PYGM: variants seen among roughly 807,000 people sequenced by gnomAD.
The protein encoded by PYGM is glycogen phosphorylase, muscle form.
Under a neutral mutation model 99.3 loss-of-function variants are expected in PYGM, and 81 were observed. The ratio of observed to expected loss-of-function variants is 0.82; its 90% CI spans 0.68 to 0.98. PYGM has a LOEUF of 0.98. Ranked by LOEUF, PYGM falls within the 50% of genes least tolerant of loss-of-function variation. The pLI, the probability that PYGM is intolerant of heterozygous loss-of-function variation, is 0.00. For synonymous variants in PYGM, 436 were observed against 451.5 expected, an observed-to-expected ratio of 0.97 and a Z score of 0.44; for missense variants, 1,030 against 1,158.1, an observed-to-expected ratio of 0.89 and a Z score of 1.61.
At position 64,755,445 on chromosome 11, in the gene PYGM, A is replaced by T; in HGVS notation, c.772+2T>A. 6.2e-7 allele frequency: 1 copy of T among 1,613,896 alleles called. No individual in the cohort carries two copies. The highest frequency in any genetic ancestry group is 8.5e-7 in the Non-Finnish European group (1 of 1,179,764). On this transcript the variant is annotated splice_donor_variant, in intron 6 of 19. Transcript: ENST00000164139. LOFTEE classifies it high-confidence loss of function. This position sits in a 1 kb window ranked among gnomAD's most constrained non-coding sequence, Gnocchi z 4.1. ...TTGCTGGCTACCAGTGGATGAACTC[A>T]CAGTCCTTGAGGTTGAAGTCATTGG... is the stretch of plus-strand genomic sequence containing the variant.
intron 3 of PYGM, 24 bp from the exon 4 acceptor site, chr11:64,758,373 T>C (rs1216708740): frequency 1.2e-5 from 20 of 1,613,032 alleles, no homozygotes; most frequent in Non-Finnish European, 1.7e-5. Flanking sequence ...GGGAGGTGGC[T>C]GTCAGGGACC....
rs544636087 is a variant in PYGM at position 64,759,913 on chromosome 11, G to C, written c.-15C>G. On this transcript the variant is annotated 5_prime_UTR_variant, in exon 1 of 20. Transcript: ENST00000164139. ...GGCCGGGACATGGCTGCAGGAGGGCGGGCCGGACTGGACTGATGGTAGAGG... is the reference window on the plus strand; with the variant it reads ...GGCCGGGACATGGCTGCAGGAGGGCCGGCCGGACTGGACTGATGGTAGAGG... 6.2e-7 allele frequency: 1 copy of C among 1,613,602 alleles called. No individual in the cohort carries two copies. The highest frequency in any genetic ancestry group is 1.3e-5 in the African/African-American group (1 of 75,044).
Position 64,746,796 on chromosome 11 carries a change from A to T in PYGM, c.2392T>A (p.Trp798Arg), listed in dbSNP as rs119103258. 26 of 1,613,512 alleles carry T rather than the reference A, an allele frequency of 1.6e-5. No homozygotes were observed. In the Admixed American group the frequency reaches 4.3e-4, roughly 27 times the overall value. ...VSALYKNPRE[W>R]TRMVIRNIAT... is the part of the protein sequence containing the mutation. ...ATGTTCCGGATCACCATCCGCGTCC[A>T]CTCTCTTGGGTTCTGCAGGTCAAAG... Residue 798 changes from tryptophan to arginine, a missense_variant, in exon 20 of 20, where the codon TGG (tryptophan) becomes AGG (arginine). Trp to Arg is a moderately radical substitution (Grantham distance 101). Transcript: ENST00000164139.
At chr11:64,758,404 G>A in intron 3 of PYGM, 33 bp downstream of exon 3, 2 of 1,613,078 alleles carry the variant, frequency 1.2e-6, no homozygotes, top group Non-Finnish European at 8.5e-7. Context: ...GACCCCATCG[G>A]CCCACTCCAC....
chr11:64,753,432 G>C (rs2058370152), intron 11 of PYGM, 87 bp downstream of exon 11: 4 of 1,478,230 alleles, frequency 2.7e-6, no homozygotes, highest in Non-Finnish European at 3.6e-6. Context: ...ACCAGAGAGT[G>C]GTCGGTGAAG....
At chr11:64,752,921 C>T (rs1420209492) in intron 12 of PYGM, 152 bp downstream of exon 12, 1 of 825,918 alleles carries the variant, frequency 1.2e-6, no homozygotes, top group Non-Finnish European at 2.1e-6. Context: ...TGTCCCTCCT[C>T]CAGGTGGATG....
At position 64,746,924 on chromosome 11, in the gene PYGM, G is replaced by A. The variant is rs993514288; in HGVS notation, c.2376C>T (p.Tyr792=). 6.2e-6 allele frequency: 10 copies of A among 1,614,082 alleles called. No individual in the cohort carries two copies. Among genetic ancestry groups the A allele is most frequent in the African/African-American group, 1.3e-5 (1 of 74,920 alleles). ...CCCCTGGCCCAGGACCCCTCACCTT[G>A]TACAAGGCGCTGACTTTCTCCTGGC... The part of the protein sequence containing the change: ...IKCQEKVSAL[Y]KNPREWTRMV... The change falls in exon 19 of 20, where the codon TAC becomes TAT. Residue 792 remains tyrosine, a synonymous_variant. Transcript: ENST00000164139.
At chr11:64,747,713 C>T (rs1260719211) in intron 17 of PYGM, 1 of 355,006 alleles carries the variant, frequency 2.8e-6, no homozygotes, top group Non-Finnish European at 5.5e-6. Flanking sequence ...TCCGGCCTTG[C>T]CCTGGGGCAG....
rs773934078 is a variant in PYGM at position 64,754,394 on chromosome 11, T to C, written c.1000-49A>G. On this transcript the variant is annotated intron_variant, in intron 8 of 19. Transcript: ENST00000164139. This position sits in a 1 kb window ranked among gnomAD's most constrained non-coding sequence, Gnocchi z 5.5. ...CTGGGCTCCAAACCACATTCCATGC[T>C]ATGGTCACTGCCCTATGCCATTTGG... 1 of 1,460,920 alleles carries C rather than the reference T, an allele frequency of 6.8e-7. No individual in the cohort carries two copies. The highest frequency in any genetic ancestry group is 1.1e-5 in the South Asian group (1 of 87,912). 90.5% of individuals were successfully genotyped at this position (1,460,920 alleles called of 1,614,324 possible). A position where few individuals can be genotyped will look rare whatever the true frequency, so the allele number is the denominator to read the frequency against.
At position 64,752,507 on chromosome 11, in the gene PYGM, A is replaced by G. The variant is rs745839996; in HGVS notation, c.1519-3T>C. The G allele has an allele frequency of 1.9e-6, 3 of 1,612,988 alleles. No homozygotes were observed. The East Asian group carries it at 6.7e-5, about 36-fold the overall frequency. On this transcript the variant is annotated splice_polypyrimidine_tract_variant and splice_region_variant and intron_variant, in intron 12 of 19. Coordinates refer to ENST00000164139, the MANE Select transcript of PYGM (RefSeq NM_005609.4). ...GAGATGAAGTCCTCCCCGATGCGCT[A>G]TGGGAAGACGGCTCTCAGCCAAGCC...
Position 64,755,294 on chromosome 11 carries a change from A to C in PYGM, c.834T>G (p.Arg278=). The change falls in exon 7 of 20, where the codon CGT becomes CGG. Residue 278 remains arginine, a synonymous_variant. Coordinates refer to ENST00000164139, the MANE Select transcript of PYGM (RefSeq NM_005609.4). This position sits in a 1 kb window ranked among gnomAD's most constrained non-coding sequence, Gnocchi z 4.1. ...GCACATTATCATTGGGGTACAGGAC[A>C]CGAGAGATGTTCTCCGCCAGGTTTC... ...LDRNLAENIS[R]VLYPNDNFFE... 6.2e-7 allele frequency: 1 copy of C among 1,614,058 alleles called. No individual in the cohort carries two copies. The highest frequency in any genetic ancestry group is 8.5e-7 in the Non-Finnish European group (1 of 1,179,954).
Position 64,755,262 on chromosome 11 carries a change from G to T in PYGM, c.855+11C>A. 6.2e-7 allele frequency: 1 copy of T among 1,613,054 alleles called. No individual in the cohort carries two copies. The highest frequency in any genetic ancestry group is 8.5e-7 in the Non-Finnish European group (1 of 1,179,126). ...TCAGGCTTCCAGCCCCCAGCCCAGG[G>T]GGTGACGCACATTATCATTGGGGTA... is the stretch of plus-strand genomic sequence containing the variant. On this transcript the variant is annotated intron_variant, in intron 7 of 19. Transcript: ENST00000164139. This position sits in a 1 kb window ranked among gnomAD's most constrained non-coding sequence, Gnocchi z 4.1.
chr11:64,752,760 C>T (rs548562740), intron 12 of PYGM, among the ~76,000 whole-genome samples: 20 of 152,354 alleles, frequency 1.3e-4, no homozygotes, highest in Admixed American at 6.5e-4. Context: ...CTTTTCCTAA[C>T]GCCAGCATGA....
intron 1 of PYGM, 48 bp downstream of exon 1, chr11:64,759,608 T>TG: frequency 1.2e-6 from 2 of 1,607,634 alleles, no homozygotes; most frequent in Non-Finnish European, 1.7e-6. Flanking sequence ...GCCAGCTCCC[T>TG]GGCAGCGCCT....
rs1213033233 is a variant in PYGM at position 64,746,751 on chromosome 11, A to G, written c.2437T>C (p.Ser813Pro). ...IRNIATSGKF[S>P]SDRTIAQYAR... Reference sequence around the variant, plus strand: ...TACTGGGCAATGGTGCGGTCACTGGAGAACTTGCCAGAGGTGGCTATGTTC... The same window carrying G: ...TACTGGGCAATGGTGCGGTCACTGGGGAACTTGCCAGAGGTGGCTATGTTC... The change falls in exon 20 of 20, where the codon TCC becomes CCC. Residue 813 changes from serine (S) to proline (P), a missense_variant. Coordinates refer to ENST00000164139, the MANE Select transcript of PYGM (RefSeq NM_005609.4). 4 of 1,614,028 alleles carry G rather than the reference A, an allele frequency of 2.5e-6. No individual in the cohort carries two copies. The highest frequency in any genetic ancestry group is 2.5e-6 in the Non-Finnish European group (3 of 1,180,030).
At chr11:64,747,389 G>A (rs377700062) in intron 17 of PYGM, 31 bp from the exon 18 acceptor site, 11 of 1,613,840 alleles carry the variant, frequency 6.8e-6, no homozygotes, top group Admixed American at 1.7e-5. Context: ...TCAGCTCCCC[G>A]GAAAGGGGTT....
At position 64,758,326 on chromosome 11, in the gene PYGM, T is replaced by C. The variant is rs1368981072; in HGVS notation, c.448A>G (p.Thr150Ala). The change falls in exon 4 of 20, where the codon ACA (threonine) becomes GCA (alanine). Residue 150 changes from threonine (T) to alanine (A), a missense_variant. By Grantham distance (58) the Thr-to-Ala change is moderately conservative (BLOSUM62 0). Transcript: ENST00000164139. ...TAGCCATAGGCGGCCAGGCCCAGTG[T>C]TGCCATGGAGTCAAGAAAGCAGGCT... is the stretch of plus-strand genomic sequence containing the variant. ...LAACFLDSMA[T>A]LGLAAYGYGI... The C allele has an allele frequency of 6.2e-7, 1 of 1,613,748 alleles. No homozygotes were observed. The highest frequency in any genetic ancestry group is 8.5e-7 in the Non-Finnish European group (1 of 1,179,954).
chr11:64,760,038 CA>C, upstream of PYGM: 14 of 1,305,674 alleles, frequency 1.1e-5, no homozygotes, highest in Non-Finnish European at 1.4e-5. Flanking sequence ...GCCTCCCCTG[CA>C]ATGGGAGGGT....
chr11:64,747,642 G>C, intron 17 of PYGM: 1 of 460,252 alleles, frequency 2.2e-6, no homozygotes, highest in Non-Finnish European at 4.0e-6. Context: ...CGCCACTGCT[G>C]TCTCTTAACC....
Sources: gnomAD v4.1 joint callset for allele counts (sites outside exome capture counted in the v4.1 genomes callset) on GRCh38, gnomAD v4.1.1 for gene constraint, Gnocchi (gnomAD v3.1) non-coding constraint, MANE v1.5 for transcripts, NCBI Gene and HGNC (gene_info 2026-07-23, HGNC 2026-07-21) for gene names.